ITGA11: variants seen among roughly 807,000 people sequenced by gnomAD.
ITGA11 encodes integrin alpha-11.
In ITGA11, 97 loss-of-function variants were observed where a neutral mutation model predicts 141.9. That is an observed-to-expected ratio of 0.68 (90% confidence interval 0.58 to 0.81). The LOEUF (loss-of-function observed/expected upper bound fraction) is 0.81. Ranked by LOEUF, ITGA11 falls within the 30% of genes least tolerant of loss-of-function variation. ITGA11 has a pLI of 0.00. For synonymous variants in ITGA11, 658 were observed against 624.6 expected (o/e 1.05, Z -0.80); for missense variants, 1,387 against 1,559.2 (o/e 0.89, Z 1.86).
At chr15:68,404,495 C>T (rs779389958) in intron 1 of ITGA11, among the ~76,000 whole-genome samples, 10 of 152,192 alleles carry the variant, frequency 6.6e-5, no homozygotes, top group Admixed American at 5.9e-4. Flanking sequence ...AACAAAATAG[C>T]ACCTCACATC....
At position 68,322,997 on chromosome 15, in the gene ITGA11, C is replaced by T. The variant is rs1893859914; in HGVS notation, c.2323-1494G>A. 6.6e-6 allele frequency among the ~76,000 whole-genome samples: 1 copy of T among 152,202 alleles called. No homozygotes were observed. Among genetic ancestry groups the T allele is most frequent in the East Asian group, 1.9e-4 (1 of 5,202 alleles). On this transcript the variant is annotated intron_variant, in intron 18 of 29. Transcript: ENST00000315757. The surrounding 1 kb of genome is among the most constrained non-coding windows in gnomAD (Gnocchi z 5.6). ...CAAGCCTGGAGCTGAGGGGCAGTAA[C>T]TGTCACTACCGACAACACAGCCCAA...
chr15:68,331,787 A>G, intron 14 of ITGA11, 72 bp downstream of exon 14: 1 of 1,319,246 alleles, frequency 7.6e-7, no homozygotes, highest in Non-Finnish European at 1.1e-6. Context: ...CAGATGAGGC[A>G]CAGAAGCTCC....
intron 2 of ITGA11, among the ~76,000 whole-genome samples, chr15:68,375,852 G>C (rs1263334584): frequency 6.6e-6 from 1 of 152,118 alleles, no homozygotes; most frequent in Non-Finnish European, 1.5e-5. Flanking sequence ...TTTTTTGCAT[G>C]AGATTAACAC....
rs10647873 is a variant in ITGA11, at chr15:68,405,159, C to CGTTTTTTTT, written c.53-2131_53-2130insAAAAAAAAC. 9.2e-5 allele frequency among the ~76,000 whole-genome samples: 11 copies of CGTTTTTTTT among 118,926 alleles called. 1 individual carries two copies. The highest frequency in any genetic ancestry group is 2.6e-4 in the East Asian group (1 of 3,920). The allele number at this position is 118,926 out of a possible 152,430, so 78.0% of individuals were successfully genotyped here. The stretch of plus-strand genomic sequence containing the variant: ...ACAAGTTATTTTTCCCACTGTCTCC[C>CGTTTTTTTT]TTTTTTTTTTTTTTTTGCTCAGCAA... On this transcript the variant is annotated intron_variant, in intron 1 of 29. Coordinates refer to ENST00000315757, the MANE Select transcript of ITGA11 (RefSeq NM_001004439.2).
At chr15:68,344,488 C>G (rs888275875) in intron 10 of ITGA11, among the ~76,000 whole-genome samples, 2 of 152,140 alleles carry the variant, frequency 1.3e-5, no homozygotes, top group Admixed American at 1.3e-4. Flanking sequence ...AGACCTCAAT[C>G]CCAGGAGGGC....
At chr15:68,309,855 G>A (rs746032321) in intron 26 of ITGA11, among the ~76,000 whole-genome samples, 46 of 151,992 alleles carry the variant, frequency 3.0e-4, no homozygotes, top group Non-Finnish European at 5.0e-4. Context: ...CACCTGCCTC[G>A]GCCTCCCAAA....
intron 2 of ITGA11, 33 bp downstream of exon 2, chr15:68,402,885 C>T (rs1289469286): frequency 1.4e-6 from 2 of 1,461,708 alleles, no homozygotes; most frequent in South Asian, 2.3e-5. Flanking sequence ...TGGAATGGTA[C>T]AGGGCTGGGT....
intron 26 of ITGA11, among the ~76,000 whole-genome samples, chr15:68,310,517 T>C (rs1424949588): frequency 1.3e-5 from 2 of 152,200 alleles, no homozygotes; most frequent in Non-Finnish European, 2.9e-5. Flanking sequence ...GCAGGTGTTT[T>C]GGGAGGGCTC....
chr15:68,370,189 C>T (rs1895544874), intron 2 of ITGA11, among the ~76,000 whole-genome samples: 1 of 151,850 alleles, frequency 6.6e-6, no homozygotes, highest in Non-Finnish European at 1.5e-5. Context: ...TTGTTTTAAG[C>T]CACGCAGGTT....
In ITGA11 at chr15:68,308,925, G is replaced by A. The variant is rs1893289365; in HGVS notation, c.3175-1229C>T. 6.6e-6 allele frequency among the ~76,000 whole-genome samples: 1 copy of A among 152,194 alleles called. No homozygotes were observed. Among genetic ancestry groups the A allele is most frequent in the South Asian group, 2.1e-4 (1 of 4,836 alleles). ...GAACCATTAGCCAACACTATAGACA[G>A]CTCAGTTGGCTTAGTTTACATCATT... On this transcript the variant is annotated intron_variant, in intron 26 of 29. Coordinates refer to ENST00000315757, the MANE Select transcript of ITGA11 (RefSeq NM_001004439.2). The surrounding 1 kb of genome is among the most constrained non-coding windows in gnomAD (Gnocchi z 5.2).
Position 68,305,014 on chromosome 15 carries a change from A to ATGCTC in ITGA11, c.3382-1134_3382-1130dup, listed in dbSNP as rs893583255. On this transcript the variant is annotated intron_variant, in intron 28 of 29. Coordinates refer to ENST00000315757, the MANE Select transcript of ITGA11 (RefSeq NM_001004439.2). This position sits in a 1 kb window ranked among gnomAD's most constrained non-coding sequence, Gnocchi z 4.6. ...TCCTTCTAACGAGGAAGGCAGGCTT[A>ATGCTC]TGCTCTGCTCTGCTCTGCTCAAGCT... is the stretch of plus-strand genomic sequence containing the variant. 1.3e-5 allele frequency among the ~76,000 whole-genome samples: 2 copies of ATGCTC among 152,118 alleles called. No individual in the cohort carries two copies. The highest frequency in any genetic ancestry group is 2.4e-5 in the African/African-American group (1 of 41,380).
chr15:68,317,917 A>AGTGCATGTGT (rs1406959031), intron 20 of ITGA11, among the ~76,000 whole-genome samples: 2 of 152,166 alleles, frequency 1.3e-5, no homozygotes, highest in Non-Finnish European at 2.9e-5. Context: ...TCTGCGTGTC[A>AGTGCATGTGT]GTGCATGTGT....
At chr15:68,350,892 G>T (rs1481203124) in intron 8 of ITGA11, 110 bp from the exon 9 acceptor site, 205 of 1,091,388 alleles carry the variant, frequency 1.9e-4, no homozygotes, top group Admixed American at 2.5e-5. Context: ...GCCAGGGCCG[G>T]TAGCCATGAG....
At chr15:68,381,883 T>C (rs540315535) in intron 2 of ITGA11, among the ~76,000 whole-genome samples, 2 of 152,212 alleles carry the variant, frequency 1.3e-5, no homozygotes, top group South Asian at 4.1e-4. Flanking sequence ...CTGAGGAAAC[T>C]ACAGCACAGA....
rs1382860186 is a variant in ITGA11 at position 68,303,900 on chromosome 15, G to A, written c.3382-15C>T. ...TCAAACACGATCTGCAAGGGGAGGGGGGCCGGGCCAACAGCATTACTCTTC... is the reference window on the plus strand; with the variant it reads ...TCAAACACGATCTGCAAGGGGAGGGAGGCCGGGCCAACAGCATTACTCTTC... On this transcript the variant is annotated splice_polypyrimidine_tract_variant and intron_variant, in intron 28 of 29. Coordinates refer to ENST00000315757, the MANE Select transcript of ITGA11 (RefSeq NM_001004439.2). The surrounding 1 kb of genome is among the most constrained non-coding windows in gnomAD (Gnocchi z 5.3). The A allele has an allele frequency of 6.4e-7, 1 of 1,569,054 alleles. No individual in the cohort carries two copies. The highest frequency in any genetic ancestry group is 8.8e-7 in the Non-Finnish European group (1 of 1,140,078).
Position 68,307,706 on chromosome 15 carries a change from A to G in ITGA11, c.3175-10T>C. On this transcript the variant is annotated splice_polypyrimidine_tract_variant and intron_variant, in intron 26 of 29. Coordinates refer to ENST00000315757, the MANE Select transcript of ITGA11 (RefSeq NM_001004439.2). The surrounding 1 kb of genome is among the most constrained non-coding windows in gnomAD (Gnocchi z 6.1). Reference sequence around the variant, plus strand: ...CAGAGTTGCTGTGATTCTGAAAGAGAAGATGGGTCTCAGGGCTGAGCTGCT... The same window carrying G: ...CAGAGTTGCTGTGATTCTGAAAGAGGAGATGGGTCTCAGGGCTGAGCTGCT... 6.3e-7 allele frequency: 1 copy of G among 1,597,338 alleles called. No homozygotes were observed. The highest frequency in any genetic ancestry group is 1.1e-5 in the South Asian group (1 of 90,496).
chr15:68,406,409 C>T (rs897663117), intron 1 of ITGA11, among the ~76,000 whole-genome samples: 3 of 152,120 alleles, frequency 2.0e-5, no homozygotes, highest in Middle Eastern at 3.2e-3. Context: ...ACTTCAGACT[C>T]GTTCTCTGCT....
chr15:68,334,106 C>T (rs2140307252), intron 12 of ITGA11, among the ~76,000 whole-genome samples: 1 of 152,358 alleles, frequency 6.6e-6, no homozygotes, highest in Non-Finnish European at 1.5e-5. Context: ...CCACCAGCCC[C>T]CACTCCCTCT....
At chr15:68,409,883 G>A (rs937944883) in intron 1 of ITGA11, among the ~76,000 whole-genome samples, 9 of 152,158 alleles carry the variant, frequency 5.9e-5, no homozygotes, top group African/African-American at 1.7e-4. Context: ...CACGGGTCCC[G>A]TGCCATCCAG....
Sources: allele counts gnomAD v4.1 joint callset (sites outside exome capture counted in the v4.1 genomes callset), GRCh38; gene constraint gnomAD v4.1.1; non-coding constraint Gnocchi (gnomAD v3.1); transcripts MANE v1.5; gene names NCBI Gene and HGNC (gene_info 2026-07-23, HGNC 2026-07-21).